Variants in C1QTNF2 observed in about 807,000 individuals in gnomAD.
The protein encoded by C1QTNF2 is C1q and TNF related 2.
In C1QTNF2, 15 loss-of-function variants were observed where a neutral mutation model predicts 17.4. The observed-to-expected ratio is 0.86, with a 90% CI of 0.58 to 1.33. The LOEUF is 1.33. Ranked by LOEUF, C1QTNF2 falls within the 40% of genes most tolerant of loss-of-function variation. The pLI is 0.00. For missense variants in C1QTNF2, 381 were observed against 392.3 expected (o/e 0.97, Z 0.24); for synonymous variants, 154 against 163.3 (o/e 0.94, Z 0.44).
Position 160,349,713 on chromosome 5 carries a change from C to T in C1QTNF2, c.313G>A (p.Ala105Thr), listed in dbSNP as rs746475054. ...ACCCCCTTGGGGCCACGGGGGCCAG[C>T]CCGCCCAATGGCCCCGGCTTTGCCC... ...PKGKAGAIGR[A>T]GPRGPKGVNG... is the part of the protein sequence containing the mutation. Residue 105 changes from alanine to threonine, a missense_variant, in exon 3 of 3, where the codon GCT becomes ACT. By Grantham distance (58) the Ala-to-Thr change is moderately conservative. Coordinates refer to ENST00000652664, the MANE Select transcript of C1QTNF2 (RefSeq NM_031908.6). The surrounding 1 kb of genome is among the most constrained non-coding windows in gnomAD (Gnocchi z 4.3). 6.3e-6 allele frequency: 10 copies of T among 1,578,264 alleles called. No individual in the cohort carries two copies. Among genetic ancestry groups the T allele is most frequent in the Middle Eastern group, 1.7e-4 (1 of 5,864 alleles).
chr5:160,359,596 G>C (rs1029690268), intron 1 of C1QTNF2, among the ~76,000 whole-genome samples: 7 of 152,190 alleles, frequency 4.6e-5, no homozygotes, highest in Admixed American at 4.6e-4. Context: ...ACGTACAAGT[G>C]ATGCTTTTTC....
intron 1 of C1QTNF2, among the ~76,000 whole-genome samples, chr5:160,357,455 T>C (rs993044727): frequency 2.0e-5 from 3 of 152,210 alleles, no homozygotes; most frequent in Non-Finnish European, 4.4e-5. Context: ...AAATGTTACA[T>C]GAATGACAGG....
chr5:160,354,598 GTATATATATATATATATATA>G lies in C1QTNF2; in HGVS notation c.244+150_244+169del, dbSNP rs1172776724. 1.9e-4 allele frequency among the ~76,000 whole-genome samples: 6 copies of G among 30,886 alleles called. 1 individual carries two copies. The highest frequency in any genetic ancestry group is 7.0e-4 in the African/African-American group (6 of 8,572). The allele number at this position is 30,886 out of a possible 152,430, so 20.3% of individuals were successfully genotyped here. On this transcript the variant is annotated intron_variant, in intron 2 of 2. Transcript: ENST00000652664. ...TGTCTCAAGGGGAAAAAAAAAAAAA[GTATATATATATATATATATA>G]TATATATATATATATAGATTTATAA...
chr5:160,363,627 C>G (rs1581039570), intron 1 of C1QTNF2, among the ~76,000 whole-genome samples: 1 of 152,188 alleles, frequency 6.6e-6, no homozygotes, highest in African/African-American at 2.4e-5. Context: ...ACAAGCCCAG[C>G]CTTTACAAAA....
At chr5:160,366,854 T>TATGG (rs768795668) in intron 1 of C1QTNF2, among the ~76,000 whole-genome samples, 12,174 of 151,736 alleles carry the variant, frequency 0.08, 601 homozygotes, top group Middle Eastern at 0.24. Context: ...CAAAACCTCA[T>TATGG]CTCTACAAAA....
intron 1 of C1QTNF2, among the ~76,000 whole-genome samples, chr5:160,360,115 G>T (rs1764126080): frequency 1.3e-5 from 2 of 152,180 alleles, no homozygotes; most frequent in Admixed American, 1.3e-4. Flanking sequence ...CTCTCAGCCA[G>T]CGCCCGCTTT....
intron 1 of C1QTNF2, among the ~76,000 whole-genome samples, chr5:160,357,547 T>G (rs2113519477): frequency 6.6e-6 from 1 of 152,320 alleles, no homozygotes; most frequent in Middle Eastern, 3.4e-3. Context: ...AGGAGAGTCT[T>G]GGAAAACTGG....
intron 1 of C1QTNF2, 149 bp from the exon 2 acceptor site, chr5:160,355,169 G>A (rs1465744148): frequency 1.4e-6 from 2 of 1,399,608 alleles, no homozygotes; most frequent in Non-Finnish European, 1.9e-6. Context: ...ACAAGTAGAT[G>A]TGATGTGGAC....
rs577083972 is a variant in C1QTNF2, at chr5:160,349,769, C to T, written c.257G>A (p.Arg86Gln). Residue 86 changes from arginine (R) to glutamine (Q), a missense_variant, in exon 3 of 3, where the codon CGG becomes CAG. By Grantham distance (43) the Arg-to-Gln change is conservative. Coordinates refer to ENST00000652664, the MANE Select transcript of C1QTNF2 (RefSeq NM_031908.6). The surrounding 1 kb of genome is among the most constrained non-coding windows in gnomAD (Gnocchi z 4.3). ...TCCTGGCTTTCCCCGGTTACCTGTC[C>T]GGCCAGGTGGACCTGGAAGACAGAG... is the stretch of plus-strand genomic sequence containing the variant. Reference protein sequence around the residue: ...GDSGEEGPPGRTGNRGKPGPK... With the variant: ...GDSGEEGPPGQTGNRGKPGPK... 246 of 1,523,610 alleles carry T rather than the reference C, an allele frequency of 1.6e-4. 3 individuals carry two copies. The South Asian group carries it at 2.5e-3, about 15-fold the overall frequency. The allele number at this position is 1,523,610 out of a possible 1,614,324, so 94.4% of individuals were successfully genotyped here.
Position 160,349,762 on chromosome 5 carries a change from A to T in C1QTNF2, c.264T>A (p.Gly88=). Residue 88 remains glycine, a synonymous_variant, in exon 3 of 3, where the codon GGT becomes GGA. Transcript: ENST00000652664. This position sits in a 1 kb window ranked among gnomAD's most constrained non-coding sequence, Gnocchi z 4.3. Reference sequence around the variant, plus strand: ...CCTTTGGTCCTGGCTTTCCCCGGTTACCTGTCCGGCCAGGTGGACCTGGAA... The same window carrying T: ...CCTTTGGTCCTGGCTTTCCCCGGTTTCCTGTCCGGCCAGGTGGACCTGGAA... ...SGEEGPPGRT[G]NRGKPGPKGK... is the part of the protein sequence containing the mutation. 1 of 1,528,200 alleles carries T rather than the reference A, an allele frequency of 6.5e-7. No individual in the cohort carries two copies. 94.7% of individuals were successfully genotyped at this position (1,528,200 alleles called of 1,614,324 possible). A position where few individuals can be genotyped will look rare whatever the true frequency, so the allele number is the denominator to read the frequency against.
chr5:160,358,976 T>C (rs1764101040), intron 1 of C1QTNF2, among the ~76,000 whole-genome samples: 1 of 152,122 alleles, frequency 6.6e-6, no homozygotes, highest in Admixed American at 6.5e-5. Context: ...AGATGGGGTC[T>C]TGCCATGTCA....
intron 1 of C1QTNF2, among the ~76,000 whole-genome samples, chr5:160,362,360 C>G (rs539612542): frequency 4.6e-5 from 7 of 152,108 alleles, no homozygotes; most frequent in Non-Finnish European, 8.8e-5. Flanking sequence ...ACCACAGTTC[C>G]GGGAAATCTC....
At chr5:160,367,021 C>CAAAAA (rs71285021) in intron 1 of C1QTNF2, among the ~76,000 whole-genome samples, 1 of 87,358 alleles carries the variant, frequency 1.1e-5, no homozygotes, top group African/African-American at 4.0e-5. Context: ...AAGACATTGT[C>CAAAAA]AAAAAAAAAA....
At chr5:160,356,507 T>TCCAA in intron 1 of C1QTNF2, among the ~76,000 whole-genome samples, 1 of 152,344 alleles carries the variant, frequency 6.6e-6, no homozygotes, top group African/African-American at 2.4e-5. Context: ...CTGCTGATGG[T>TCCAA]GGTCCAGAGA....
rs1366811458 is a variant in C1QTNF2 at position 160,348,724 on chromosome 5, AC to A, written c.*443del. 6.3e-6 allele frequency: 1 copy of A among 159,218 alleles called. No homozygotes were observed. Among genetic ancestry groups the A allele is most frequent in the African/African-American group, 2.4e-5 (1 of 41,484 alleles). The allele number at this position is 159,218 out of a possible 1,614,324, so 9.9% of individuals were successfully genotyped here. A position where few individuals can be genotyped will look rare whatever the true frequency, so the allele number is the denominator to read the frequency against. ...CTGGAGAGTCACTGTATGTAAGTAA[AC>A]CTAAAAACGCAAACTTAAAAAAAGA... On this transcript the variant is annotated 3_prime_UTR_variant, in exon 3 of 3. Coordinates refer to ENST00000652664, the MANE Select transcript of C1QTNF2 (RefSeq NM_031908.6).
rs1369031621 is a variant in C1QTNF2, at chr5:160,349,295, C to T, written c.731G>A (p.Gly244Asp). 6.2e-7 allele frequency: 1 copy of T among 1,614,100 alleles called. No individual in the cohort carries two copies. Among genetic ancestry groups the T allele is most frequent in the African/African-American group, 1.3e-5 (1 of 75,016 alleles). Residue 244 changes from glycine to aspartate, a missense_variant, in exon 3 of 3, where the codon GGT (glycine) becomes GAT (aspartate). Transcript: ENST00000652664. The surrounding 1 kb of genome is among the most constrained non-coding windows in gnomAD (Gnocchi z 4.3). ...SGSTILALKQ[G>D]DEVWLQIFYS... ...GAAGATCTGCAGCCAAACTTCGTCACCCTGCTTGAGAGCCAGGATGGTGGA... is the reference window on the plus strand; with the variant it reads ...GAAGATCTGCAGCCAAACTTCGTCATCCTGCTTGAGAGCCAGGATGGTGGA...
intron 2 of C1QTNF2, among the ~76,000 whole-genome samples, chr5:160,350,721 A>G (rs1304134827): frequency 1.3e-5 from 2 of 152,090 alleles, no homozygotes; most frequent in Non-Finnish European, 2.9e-5. Context: ...AAAATTAGAA[A>G]AACAAAAGGA....
At chr5:160,352,018 T>A (rs74539882) in intron 2 of C1QTNF2, among the ~76,000 whole-genome samples, 87 of 152,030 alleles carry the variant, frequency 5.7e-4, no homozygotes, top group African/African-American at 2.0e-3. Context: ...TTGAGTAATC[T>A]TCCTGCCTCA....
chr5:160,359,610 C>T (rs1001211029), intron 1 of C1QTNF2, among the ~76,000 whole-genome samples: 1 of 152,202 alleles, frequency 6.6e-6, no homozygotes, highest in Non-Finnish European at 1.5e-5. Context: ...CTTTTTCTCT[C>T]TCTTGGGGTG....
Sources: gnomAD v4.1 joint callset for allele counts (sites outside exome capture counted in the v4.1 genomes callset) on GRCh38, gnomAD v4.1.1 for gene constraint, Gnocchi (gnomAD v3.1) non-coding constraint, MANE v1.5 for transcripts, NCBI Gene and HGNC (gene_info 2026-07-23, HGNC 2026-07-21) for gene names.